CDH18: variants seen among roughly 807,000 people sequenced by gnomAD.
The protein encoded by CDH18 is cadherin 18, also known as cadherin-18.
CDH18 carries 31 observed loss-of-function variants against 67.9 expected under a neutral mutation model. The ratio of observed to expected loss-of-function variants is 0.46; its 90% CI spans 0.34 to 0.62. The LOEUF (loss-of-function observed/expected upper bound fraction) is 0.62. Among genes scored for constraint, CDH18 ranks in the 20% least tolerant of loss-of-function variants. The pLI is 0.01. For missense variants in CDH18, 890 were observed against 975.5 expected, an observed-to-expected ratio of 0.91 and a Z score of 1.17; for synonymous variants, 362 against 347.2, an observed-to-expected ratio of 1.04 and a Z score of -0.48.
chr5:19,993,329 T>C (rs1317527212), intron 2 of CDH18, among the ~76,000 whole-genome samples: 1 of 152,136 alleles, frequency 6.6e-6, no homozygotes, highest in Non-Finnish European at 1.5e-5. Flanking sequence ...AGTGTAAATA[T>C]AAATTTAGAC....
At chr5:19,760,042 A>G (rs1057489964) in intron 3 of CDH18, among the ~76,000 whole-genome samples, 1 of 152,148 alleles carries the variant, frequency 6.6e-6, no homozygotes, top group Non-Finnish European at 1.5e-5. Flanking sequence ...TAATTAGCCA[A>G]TGCCAGAGCT....
intron 1 of CDH18, among the ~76,000 whole-genome samples, chr5:20,499,041 C>G (rs868119543): frequency 6.6e-6 from 1 of 152,004 alleles, no homozygotes. Context: ...CCTCCTCTTT[C>G]CTGCTTCAAG....
chr5:19,700,114 G>A (rs879848828), intron 5 of CDH18, among the ~76,000 whole-genome samples: 14 of 152,060 alleles, frequency 9.2e-5, no homozygotes, highest in Admixed American at 8.5e-4. Flanking sequence ...TTTTTGTAAA[G>A]TAGCAATCAT....
chr5:19,594,529 GATTT>G (rs1214923128), intron 6 of CDH18, among the ~76,000 whole-genome samples: 2 of 152,198 alleles, frequency 1.3e-5, no homozygotes, highest in Middle Eastern at 3.4e-3. Flanking sequence ...CCTGTGTCTG[GATTT>G]ATTTAGAGGC....
chr5:20,085,565 C>T (rs909255490), intron 2 of CDH18, among the ~76,000 whole-genome samples: 27 of 152,138 alleles, frequency 1.8e-4, no homozygotes, highest in African/African-American at 6.0e-4. Flanking sequence ...TGTTTTCATG[C>T]TTCTAATAAA....
chr5:20,190,281 TG>T (rs1430470984), intron 2 of CDH18, among the ~76,000 whole-genome samples: 5 of 152,154 alleles, frequency 3.3e-5, no homozygotes, highest in Non-Finnish European at 5.9e-5. Flanking sequence ...CATCAATCCT[TG>T]GAGTGAAAGC....
chr5:20,277,455 G>A (rs1194282849), intron 1 of CDH18, among the ~76,000 whole-genome samples: 1 of 152,132 alleles, frequency 6.6e-6, no homozygotes, highest in Non-Finnish European at 1.5e-5. Flanking sequence ...CTGGGCTTTG[G>A]GTGCCTCCAG....
At chr5:20,199,265 AG>A (rs1228264991) in intron 2 of CDH18, among the ~76,000 whole-genome samples, 1 of 152,160 alleles carries the variant, frequency 6.6e-6, no homozygotes, top group African/African-American at 2.4e-5. Flanking sequence ...TACCCTGCAA[AG>A]CCACAGGGGC....
intron 1 of CDH18, among the ~76,000 whole-genome samples, chr5:20,313,296 A>G (rs1737159518): frequency 6.6e-6 from 1 of 152,144 alleles, no homozygotes; most frequent in Non-Finnish European, 1.5e-5. Flanking sequence ...TCATTCTGTC[A>G]TTTCTCTTTC....
At position 20,400,882 on chromosome 5, in the gene CDH18, T is replaced by C. The variant is rs188983430; in HGVS notation, c.-579-145377A>G. 2.4e-3 allele frequency among the ~76,000 whole-genome samples: 358 copies of C among 152,338 alleles called. 1 individual carries two copies. The highest frequency in any genetic ancestry group is 8.1e-3 in the African/African-American group (337 of 41,584). On this transcript the variant is annotated intron_variant, in intron 1 of 14. Coordinates refer to the CDH18 transcript ENST00000507958. Reference sequence around the variant, plus strand: ...ACCAAATCCCTTATACTGAAACTTATAATTTTATCCCTTGCACTGAAATTC... The same window carrying C: ...ACCAAATCCCTTATACTGAAACTTACAATTTTATCCCTTGCACTGAAATTC...
At chr5:20,182,605 A>T (rs2126688372) in intron 2 of CDH18, among the ~76,000 whole-genome samples, 1 of 151,308 alleles carries the variant, frequency 6.6e-6, no homozygotes, top group South Asian at 2.1e-4. Context: ...CTCAAAAAAA[A>T]AAAAAAAAAA....
intron 1 of CDH18, among the ~76,000 whole-genome samples, chr5:20,444,739 C>T (rs1749877742): frequency 6.6e-6 from 1 of 151,450 alleles, no homozygotes; most frequent in African/African-American, 2.4e-5. Context: ...TCAAGTTAGG[C>T]TCATCTGAAT....
chr5:20,292,023 A>G (rs982025780), intron 1 of CDH18, among the ~76,000 whole-genome samples: 2 of 152,138 alleles, frequency 1.3e-5, no homozygotes, highest in Non-Finnish European at 2.9e-5. Flanking sequence ...TCTTTGACTC[A>G]GAAACTCTCT....
chr5:19,486,749 C>T (rs79927733), intron 11 of CDH18, among the ~76,000 whole-genome samples: 1,750 of 152,184 alleles, frequency 0.011, 42 homozygotes, highest in African/African-American at 0.04. Flanking sequence ...GCCGAGATCA[C>T]GCCATTGCAT....
chr5:20,095,351 GAAAGAAAGAAAA>G (rs1332981706), intron 2 of CDH18, among the ~76,000 whole-genome samples: 46 of 79,278 alleles, frequency 5.8e-4, no homozygotes, highest in African/African-American at 1.9e-3. Context: ...AAGAAAGAAA[GAAAGAAAGAAAA>G]GACAGAAGAA....
At position 19,941,194 on chromosome 5, in the gene CDH18, G is replaced by A. The variant is rs569329620; in HGVS notation, c.-257+39866C>T. Among the ~76,000 whole-genome samples, 49 of 152,100 alleles carry A rather than the reference G, an allele frequency of 3.2e-4. 1 individual carries two copies. In the South Asian group the frequency reaches 9.6e-3, roughly 30 times the overall value. On this transcript the variant is annotated intron_variant, in intron 2 of 12. Coordinates refer to ENST00000382275, the MANE Select transcript of CDH18 (RefSeq NM_004934.5). ...AGCTGCCTTGCCCCTTGCACCATGC[G>A]AGGAAAGAGTGAGAAGTCTATAATC...
intron 2 of CDH18, among the ~76,000 whole-genome samples, chr5:19,924,864 G>A (rs1389307077): frequency 6.6e-6 from 1 of 152,088 alleles, no homozygotes; most frequent in African/African-American, 2.4e-5. Flanking sequence ...GTGGAATTAA[G>A]CTTCAACATC....
chr5:19,756,744 G>A (rs1771657728), intron 3 of CDH18, among the ~76,000 whole-genome samples: 1 of 152,168 alleles, frequency 6.6e-6, no homozygotes, highest in African/African-American at 2.4e-5. Flanking sequence ...CCTGGTGTCA[G>A]TATTCCTCCC....
chr5:19,952,839 T>G (rs1315687147), intron 2 of CDH18, among the ~76,000 whole-genome samples: 1 of 152,116 alleles, frequency 6.6e-6, no homozygotes, highest in Admixed American at 6.6e-5. Context: ...TTTGTCACAA[T>G]AGTAAAATGT....
Sources: allele counts gnomAD v4.1 joint callset (sites outside exome capture counted in the v4.1 genomes callset), GRCh38; gene constraint gnomAD v4.1.1; transcripts MANE v1.5; gene names NCBI Gene and HGNC (gene_info 2026-07-23, HGNC 2026-07-21).